The following IL1RAPL1 variants were observed in gnomAD, a reference collection of about 807,000 sequenced individuals.
The protein encoded by IL1RAPL1 is interleukin 1 receptor accessory protein like 1, also known as interleukin-1 receptor accessory protein-like 1.
In IL1RAPL1, 3 loss-of-function variants were observed where a neutral mutation model predicts 48.4. The observed-to-expected ratio is 0.06, with a 90% confidence interval of 0.03 to 0.16. The LOEUF (loss-of-function observed/expected upper bound fraction) is 0.16. Ranked by LOEUF, IL1RAPL1 falls within the 10% of genes least tolerant of loss-of-function variation. The pLI is 1.00. For missense variants in IL1RAPL1, 349 were observed against 530.6 expected (o/e 0.66, Z 3.36); for synonymous variants, 185 against 187.7 (o/e 0.99, Z 0.12).
chrX:29,883,176 A>G (rs1452259114), intron 6 of IL1RAPL1, among the ~76,000 whole-genome samples: 1 of 111,524 alleles, frequency 9.0e-6, no homozygotes, highest in Non-Finnish European at 1.9e-5. Flanking sequence ...GTAACATTAT[A>G]TTCCTGTTCC....
chrX:29,516,689 T>A (rs957222000), intron 5 of IL1RAPL1, among the ~76,000 whole-genome samples: 11 of 111,486 alleles, frequency 9.9e-5, no homozygotes, highest in African/African-American at 3.6e-4. Context: ...TTGATGGACA[T>A]TTGGGCTGTT....
At chrX:28,648,127 G>A (rs1426174839) in intron 1 of IL1RAPL1, among the ~76,000 whole-genome samples, 3 of 110,800 alleles carry the variant, frequency 2.7e-5, no homozygotes, top group Non-Finnish European at 1.9e-5. Context: ...CTGCACTTGC[G>A]AATTGCCTCT....
chrX:29,769,588 C>T (rs775590178), intron 6 of IL1RAPL1, among the ~76,000 whole-genome samples: 9 of 98,552 alleles, frequency 9.1e-5, no homozygotes, highest in East Asian at 3.1e-4. Flanking sequence ...GAATTATAGG[C>T]GCCCGCCACC....
intron 5 of IL1RAPL1, among the ~76,000 whole-genome samples, chrX:29,626,688 T>C (rs1208301260): frequency 8.9e-6 from 1 of 112,065 alleles, no homozygotes; most frequent in East Asian, 2.8e-4. Flanking sequence ...AGACAGAGTT[T>C]TGATATGAAA....
intron 6 of IL1RAPL1, among the ~76,000 whole-genome samples, chrX:29,675,610 G>A (rs1248970917): frequency 9.0e-6 from 1 of 111,569 alleles, no homozygotes. Flanking sequence ...CTTTTTTTGA[G>A]ACAGAGTCTT....
chrX:29,009,333 A>AC (rs1926067929), intron 2 of IL1RAPL1, among the ~76,000 whole-genome samples: 2 of 111,735 alleles, frequency 1.8e-5, no homozygotes. Context: ...CTGCACATGT[A>AC]CCCCATGAAC....
At chrX:28,656,808 C>T (rs565368418) in intron 1 of IL1RAPL1, among the ~76,000 whole-genome samples, 24 of 110,725 alleles carry the variant, frequency 2.2e-4, no homozygotes, top group Non-Finnish European at 2.5e-4. Context: ...GGGAGGATCA[C>T]GAGGTCAGGA....
At chrX:28,850,296 C>T (rs373996494) in intron 2 of IL1RAPL1, among the ~76,000 whole-genome samples, 1 of 111,264 alleles carries the variant, frequency 9.0e-6, no homozygotes, top group East Asian at 2.9e-4. Context: ...TCTCCTACCG[C>T]AAGAAACACA....
intron 6 of IL1RAPL1, among the ~76,000 whole-genome samples, chrX:29,857,331 A>C (rs1931495575): frequency 9.0e-6 from 1 of 111,660 alleles, no homozygotes; most frequent in South Asian, 3.7e-4. Context: ...TGCAAGAGGA[A>C]AAAACTTCCA....
At chrX:29,938,480 C>A (rs1432344187) in intron 8 of IL1RAPL1, among the ~76,000 whole-genome samples, 1 of 111,804 alleles carries the variant, frequency 8.9e-6, no homozygotes, top group Non-Finnish European at 1.9e-5. Context: ...GGGCCCTTAT[C>A]TACAGCAGAG....
chrX:29,209,850 T>C (rs1270819204), intron 2 of IL1RAPL1, among the ~76,000 whole-genome samples: 1 of 112,303 alleles, frequency 8.9e-6, no homozygotes, highest in Non-Finnish European at 1.9e-5. Flanking sequence ...CTGTCTACCC[T>C]ACCACCAGTA....
intron 2 of IL1RAPL1, among the ~76,000 whole-genome samples, chrX:28,944,358 GA>G (rs1293924307): frequency 9.1e-6 from 1 of 110,253 alleles, no homozygotes; most frequent in Non-Finnish European, 1.9e-5. Flanking sequence ...AATTTTCTAA[GA>G]AAATCGCACG....
chrX:29,743,219 A>G (rs1243187491), intron 6 of IL1RAPL1, among the ~76,000 whole-genome samples: 2 of 107,792 alleles, frequency 1.9e-5, no homozygotes, highest in Non-Finnish European at 3.8e-5. Flanking sequence ...TGAAAATCTT[A>G]TAATTAAAAT....
At chrX:29,891,981 T>C (rs2147221547) in intron 6 of IL1RAPL1, among the ~76,000 whole-genome samples, 1 of 112,209 alleles carries the variant, frequency 8.9e-6, no homozygotes, top group Non-Finnish European at 1.9e-5. Context: ...GGCAAAATTA[T>C]GAACTTATAT....
intron 5 of IL1RAPL1, among the ~76,000 whole-genome samples, chrX:29,460,188 T>C (rs1176662565): frequency 8.9e-6 from 1 of 112,235 alleles, no homozygotes; most frequent in East Asian, 2.8e-4. Flanking sequence ...ACCTAGGGAC[T>C]AGAACCCTGC....
At chrX:29,943,828 G>A (rs1933174358) in intron 9 of IL1RAPL1, among the ~76,000 whole-genome samples, 1 of 112,109 alleles carries the variant, frequency 8.9e-6, no homozygotes, top group Non-Finnish European at 1.9e-5. Flanking sequence ...GTTTCGTTTA[G>A]TGGGTCCTGC....
intron 2 of IL1RAPL1, among the ~76,000 whole-genome samples, chrX:29,243,657 A>T (rs1931460339): frequency 1.8e-5 from 2 of 111,861 alleles, no homozygotes; most frequent in Non-Finnish European, 3.8e-5. Flanking sequence ...TTCAAAAGTA[A>T]TGATTACTTT....
intron 5 of IL1RAPL1, among the ~76,000 whole-genome samples, chrX:29,413,760 GT>G (rs1934178407): frequency 1.8e-5 from 2 of 110,600 alleles, no homozygotes; most frequent in Non-Finnish European, 3.8e-5. Flanking sequence ...TTAAGTAATG[GT>G]TTATATGTGT....
chrX:29,792,684 G>C, intron 6 of IL1RAPL1, among the ~76,000 whole-genome samples: 1 of 110,919 alleles, frequency 9.0e-6, no homozygotes, highest in Middle Eastern at 4.7e-3. Context: ...TTGTAAGGCC[G>C]GTGTTAGTCT....
Sources: gnomAD v4.1 joint callset for allele counts (sites outside exome capture counted in the v4.1 genomes callset) on GRCh38, gnomAD v4.1.1 for gene constraint, MANE v1.5 for transcripts, NCBI Gene and HGNC (gene_info 2026-07-23, HGNC 2026-07-21) for gene names.